Variants in TLCD3A observed in about 807,000 individuals in gnomAD.
The protein encoded by TLCD3A is TLC domain containing 3A, also known as TLC domain-containing protein 3A.
TLCD3A carries 17 observed loss-of-function variants against 29.9 expected under a neutral mutation model. The observed-to-expected ratio is 0.57, with a 90% CI of 0.39 to 0.85. The LOEUF is 0.85. Ranked by LOEUF, TLCD3A falls within the 40% of genes least tolerant of loss-of-function variation. The pLI, the probability that TLCD3A is intolerant of heterozygous loss-of-function variation, is 0.00. For missense variants in TLCD3A, 332 were observed against 350.8 expected, an observed-to-expected ratio of 0.95 and a Z score of 0.43; for synonymous variants, 143 against 147.7, an observed-to-expected ratio of 0.97 and a Z score of 0.23.
At chr17:735,369 A>C (rs987221673) in intron 2 of TLCD3A, among the ~76,000 whole-genome samples, 1 of 152,212 alleles carries the variant, frequency 6.6e-6, no homozygotes, top group African/African-American at 2.4e-5. Flanking sequence ...TAAGACAGAC[A>C]AGGATTATCA....
Position 736,342 on chromosome 17 carries a change from C to T in TLCD3A, c.207-1504C>T, listed in dbSNP as rs1438001685. On this transcript the variant is annotated intron_variant, in intron 2 of 4. Coordinates refer to ENST00000308278, the MANE Select transcript of TLCD3A (RefSeq NM_024792.3). ...TGGTTTTCTACCTAATACGTGGATGCGCATCAAACGTTTGCTGACCATGTG... is the reference window on the plus strand; with the variant it reads ...TGGTTTTCTACCTAATACGTGGATGTGCATCAAACGTTTGCTGACCATGTG... Among the ~76,000 whole-genome samples the T allele has an allele frequency of 4.6e-5, 7 of 152,208 alleles. No individual in the cohort carries two copies. The East Asian group carries it at 9.7e-4, about 21-fold the overall frequency.
Position 737,899 on chromosome 17 carries a change from ACTCGTACG to A in TLCD3A, c.262_269del (p.Ser88HisfsTer5), listed in dbSNP as rs1252835676. 1.2e-6 allele frequency: 2 copies of A among 1,613,862 alleles called. No individual in the cohort carries two copies. Among genetic ancestry groups the A allele is most frequent in the Non-Finnish European group, 1.7e-6 (2 of 1,179,972 alleles). The stretch of plus-strand genomic sequence containing the variant: ...TTTCTGATTCCATACATGATCTATG[ACTCGTACG>A]CCATGTACCTCTGTGAATGGTGCCG... On this transcript the variant is annotated frameshift_variant, in exon 3 of 5. Transcript: ENST00000308278. LOFTEE classifies it high-confidence loss of function.
rs530420476 is a variant in TLCD3A at position 733,131 on chromosome 17, C to A, written c.156C>A (p.Thr52=). Residue 52 remains threonine (T), a synonymous_variant, in exon 2 of 5, where the codon ACC becomes ACA. Transcript: ENST00000308278. ...LVSSVHAVLA[T]GSGIVIIRSC... is the part of the protein sequence containing the mutation. ...CCTCGGTGCACGCCGTGCTGGCCAC[C>A]GGCTCGGGGATCGTCATCATTCGCT... 3.2e-5 allele frequency: 51 copies of A among 1,590,086 alleles called. No homozygotes were observed. In the Admixed American group the frequency reaches 5.2e-4, roughly 16 times the overall value.
rs750242606 is a variant in TLCD3A at position 738,088 on chromosome 17, C to T, written c.408+41C>T. 1.6e-5 allele frequency: 10 copies of T among 618,520 alleles called. No individual in the cohort carries two copies. In the East Asian group the frequency reaches 3.5e-4, roughly 22 times the overall value. The allele number at this position is 618,520 out of a possible 1,614,324, so 38.3% of individuals were successfully genotyped here. A position where few individuals can be genotyped will look rare whatever the true frequency, so the allele number is the denominator to read the frequency against. ...ACAGCAGACCAGCAGCTGGGTTGAG[C>T]TGGGTGTCTTTTTTTTTTTTTTTTT... On this transcript the variant is annotated intron_variant, in intron 3 of 4. Coordinates refer to ENST00000308278, the MANE Select transcript of TLCD3A (RefSeq NM_024792.3).
intron 4 of TLCD3A, 62 bp downstream of exon 4, chr17:740,662 TGACA>T (rs1174047015): frequency 3.3e-6 from 5 of 1,498,532 alleles, no homozygotes; most frequent in Non-Finnish European, 4.6e-6. Flanking sequence ...ATGAATGAAA[TGACA>T]GAGAGAGTGA....
intron 2 of TLCD3A, among the ~76,000 whole-genome samples, chr17:735,054 ACT>A (rs918993345): frequency 4.0e-5 from 6 of 151,390 alleles, no homozygotes; most frequent in African/African-American, 1.5e-4. Context: ...ATGGAGTCTC[ACT>A]CTGTCACTCA....
intron 3 of TLCD3A, among the ~76,000 whole-genome samples, chr17:739,742 G>T (rs1974218992): frequency 6.6e-6 from 1 of 152,238 alleles, no homozygotes; most frequent in South Asian, 2.1e-4. Context: ...ATATCTCTCA[G>T]TGGTACTAAG....
At position 732,631 on chromosome 17, in the gene TLCD3A, C is replaced by A; in HGVS notation, c.-17C>A. On this transcript the variant is annotated 5_prime_UTR_variant, in exon 1 of 5. Coordinates refer to ENST00000308278, the MANE Select transcript of TLCD3A (RefSeq NM_024792.3). ...CAGCCACGCGGCGCCAGCGAGGCGG[C>A]CGGACCCGCAGCCCCGATGCTGCTG... 8.0e-7 allele frequency: 1 copy of A among 1,248,434 alleles called. No homozygotes were observed. The highest frequency in any genetic ancestry group is 2.9e-5 in the South Asian group (1 of 34,724). The allele number at this position is 1,248,434 out of a possible 1,614,324, so 77.3% of individuals were successfully genotyped here.
intron 3 of TLCD3A, among the ~76,000 whole-genome samples, chr17:739,154 T>C (rs937966761): frequency 1.3e-5 from 2 of 151,402 alleles, no homozygotes; most frequent in East Asian, 3.9e-4. Context: ...CTTGAGTGCC[T>C]GGCCAGGGGA....
Position 742,690 on chromosome 17 carries a change from T to C in TLCD3A, c.*1120T>C, listed in dbSNP as rs1974277768. 6.6e-6 allele frequency: 1 copy of C among 152,588 alleles called. No individual in the cohort carries two copies. The highest frequency in any genetic ancestry group is 6.5e-5 in the Admixed American group (1 of 15,282). The allele number at this position is 152,588 out of a possible 1,614,324, so 9.5% of individuals were successfully genotyped here. On this transcript the variant is annotated 3_prime_UTR_variant, in exon 5 of 5. Coordinates refer to ENST00000308278, the MANE Select transcript of TLCD3A (RefSeq NM_024792.3). Reference sequence around the variant, plus strand: ...GCCCCCTTCTGCAAGCAGGATTTTCTGGTGCCAACACTCATTCATCATTCC... The same window carrying C: ...GCCCCCTTCTGCAAGCAGGATTTTCCGGTGCCAACACTCATTCATCATTCC...
chr17:735,047 G>T (rs1299002368), intron 2 of TLCD3A, among the ~76,000 whole-genome samples: 4 of 151,318 alleles, frequency 2.6e-5, no homozygotes, highest in Non-Finnish European at 5.9e-5. Context: ...TATTGAGATG[G>T]AGTCTCACTC....
intron 2 of TLCD3A, among the ~76,000 whole-genome samples, chr17:736,369 A>G (rs540598291): frequency 1.1e-3 from 160 of 152,340 alleles, no homozygotes; most frequent in African/African-American, 3.7e-3. Flanking sequence ...GACCATGTGA[A>G]TGGAATCCTC....
Position 732,900 on chromosome 17 carries a change from C to T in TLCD3A, c.122+131C>T, listed in dbSNP as rs1328957602. The T allele has an allele frequency of 8.0e-6, 11 of 1,370,866 alleles. No homozygotes were observed. The Admixed American group carries it at 1.8e-4, about 23-fold the overall frequency. 84.9% of individuals were successfully genotyped at this position (1,370,866 alleles called of 1,614,324 possible). ...GGCTGCTCCCTCCGCGTCCCGGCGG[C>T]CCGAGTTTCCGAAGCCCCTCCGCGT... is the stretch of plus-strand genomic sequence containing the variant. On this transcript the variant is annotated intron_variant, in intron 1 of 4. Coordinates refer to ENST00000308278, the MANE Select transcript of TLCD3A (RefSeq NM_024792.3).
chr17:736,690 CTT>C (rs1393495596), intron 2 of TLCD3A, among the ~76,000 whole-genome samples: 1 of 152,202 alleles, frequency 6.6e-6, no homozygotes, highest in Non-Finnish European at 1.5e-5. Context: ...GAGTCTCACT[CTT>C]TTGCCCAGGC....
rs1189978656 is a variant in TLCD3A, at chr17:738,023, C to G, written c.384C>G (p.Leu128=). 1 of 1,599,588 alleles carries G rather than the reference C, an allele frequency of 6.3e-7. No homozygotes were observed. The highest frequency in any genetic ancestry group is 2.3e-5 in the East Asian group (1 of 43,744). The part of the protein sequence containing the change: ...RLMITHHAVI[L]FVLVPVAQRL... The stretch of plus-strand genomic sequence containing the variant: ...TGATCACACATCATGCGGTCATTCT[C>G]TTTGTCCTTGTGCCAGTCGCACAGG... Residue 128 remains leucine, a synonymous_variant, in exon 3 of 5, where the codon CTC becomes CTG. Transcript: ENST00000308278.
rs182935099 is a variant in TLCD3A at position 742,029 on chromosome 17, A to G, written c.*459A>G. The G allele has an allele frequency of 5.1e-6, 1 of 197,420 alleles. No homozygotes were observed. The highest frequency in any genetic ancestry group is 2.4e-5 in the African/African-American group (1 of 42,440). The allele number at this position is 197,420 out of a possible 1,614,324, so 12.2% of individuals were successfully genotyped here. The stretch of plus-strand genomic sequence containing the variant: ...CTTGGAAGTAATGTCGTCTTGTGAC[A>G]TTGGCCTGGGACAATCATTGTGGGT... On this transcript the variant is annotated 3_prime_UTR_variant, in exon 5 of 5. Coordinates refer to ENST00000308278, the MANE Select transcript of TLCD3A (RefSeq NM_024792.3).
At position 732,667 on chromosome 17, in the gene TLCD3A, G is replaced by T; in HGVS notation, c.20G>T (p.Gly7Val). 4 of 1,395,864 alleles carry T rather than the reference G, an allele frequency of 2.9e-6. No individual in the cohort carries two copies. Among genetic ancestry groups the T allele is most frequent in the Non-Finnish European group, 3.7e-6 (4 of 1,071,282 alleles). The allele number at this position is 1,395,864 out of a possible 1,614,324, so 86.5% of individuals were successfully genotyped here. A position where few individuals can be genotyped will look rare whatever the true frequency, so the allele number is the denominator to read the frequency against. Residue 7 changes from glycine to valine, a missense_variant, in exon 1 of 5, where the codon GGG becomes GTG. Gly to Val is a moderately radical substitution (Grantham distance 109, BLOSUM62 -3). Transcript: ENST00000308278. ...GCCCCGATGCTGCTGACGCTGGCCG[G>T]GGGCGCGCTCTTCTTCCCGGGGCTC... MLLTLAGGALFFPGLFA... is the reference protein window; with the variant it reads MLLTLAVGALFFPGLFA...
chr17:739,760 G>A (rs534848766), intron 3 of TLCD3A, among the ~76,000 whole-genome samples: 1 of 152,332 alleles, frequency 6.6e-6, no homozygotes, highest in South Asian at 2.1e-4. Flanking sequence ...AAGTGGCAGA[G>A]CTGATATTTT....
At chr17:738,088 CT>C (rs1222085077) in intron 3 of TLCD3A, 41 bp downstream of exon 3, 1 of 617,926 alleles carries the variant, frequency 1.6e-6, no homozygotes, top group African/African-American at 3.8e-5. Context: ...CTGGGTTGAG[CT>C]GGGTGTCTTT....
Sources: allele counts gnomAD v4.1 joint callset (sites outside exome capture counted in the v4.1 genomes callset), GRCh38; gene constraint gnomAD v4.1.1; transcripts MANE v1.5; gene names NCBI Gene and HGNC (gene_info 2026-07-23, HGNC 2026-07-21).